Variants in CCSER1 observed in about 807,000 individuals in gnomAD.
CCSER1 encodes coiled-coil serine rich protein 1, also known as serine-rich coiled-coil domain-containing protein 1.
In CCSER1, 41 loss-of-function variants were observed where a neutral mutation model predicts 82.0. That is an observed-to-expected ratio of 0.50 (90% confidence interval 0.39 to 0.65). The LOEUF (loss-of-function observed/expected upper bound fraction) is 0.65. Among genes scored for constraint, CCSER1 ranks in the 30% least tolerant of loss-of-function variants. The pLI is 0.00. For missense variants in CCSER1, 1,119 were observed against 1,064.2 expected (o/e 1.05, Z -0.72); for synonymous variants, 414 against 383.9 (o/e 1.08, Z -0.92).
chr4:90,214,069 A>T (rs1740552732), intron 1 of CCSER1, among the ~76,000 whole-genome samples: 1 of 152,164 alleles, frequency 6.6e-6, no homozygotes, highest in African/African-American at 2.4e-5. Context: ...TAATCTAAAG[A>T]AGATAAAATT....
chr4:91,133,264 T>C (rs932107400), intron 10 of CCSER1, among the ~76,000 whole-genome samples: 2 of 152,188 alleles, frequency 1.3e-5, no homozygotes, highest in Non-Finnish European at 2.9e-5. Context: ...TCTTGTTTTC[T>C]TTCCTTTTTC....
At chr4:90,908,246 G>A (rs1725793502) in intron 8 of CCSER1, among the ~76,000 whole-genome samples, 2 of 152,090 alleles carry the variant, frequency 1.3e-5, no homozygotes, top group Admixed American at 1.3e-4. Context: ...TATCTGTAAG[G>A]CAGTGGCACC....
chr4:90,915,000 C>A (rs552722058), intron 8 of CCSER1, among the ~76,000 whole-genome samples: 84 of 152,148 alleles, frequency 5.5e-4, no homozygotes, highest in African/African-American at 2.0e-3. Flanking sequence ...CAATAACAGG[C>A]TCTGAAATTG....
chr4:90,256,885 T>C (rs1723397146), intron 1 of CCSER1, among the ~76,000 whole-genome samples: 2 of 152,128 alleles, frequency 1.3e-5, no homozygotes, highest in Non-Finnish European at 2.9e-5. Flanking sequence ...ATATAACTTT[T>C]ATTACAGTAT....
At chr4:90,771,481 T>G (rs1294572595) in intron 7 of CCSER1, among the ~76,000 whole-genome samples, 6 of 150,560 alleles carry the variant, frequency 4.0e-5, no homozygotes, top group African/African-American at 1.5e-4. Flanking sequence ...TACATCCCAC[T>G]ATTTCTTTTC....
At chr4:90,930,910 TTA>T (rs70963098) in intron 9 of CCSER1, among the ~76,000 whole-genome samples, 9,840 of 109,520 alleles carry the variant, frequency 0.09, 631 homozygotes, top group African/African-American at 0.18. Flanking sequence ...TATCCTTATT[TTA>T]TATATATATA....
At chr4:91,330,619 T>C (rs1170213449) in intron 10 of CCSER1, among the ~76,000 whole-genome samples, 1 of 152,154 alleles carries the variant, frequency 6.6e-6, no homozygotes, top group African/African-American at 2.4e-5. Flanking sequence ...AAATAAAAAC[T>C]CTTCATTATC....
At chr4:90,918,378 T>C in intron 8 of CCSER1, 4 of 403,174 alleles carry the variant, frequency 9.9e-6, no homozygotes, top group Non-Finnish European at 1.5e-5. Context: ...TTGGGATTAT[T>C]GAGTATTTTT....
chr4:90,612,825 C>T (rs1386156401), intron 5 of CCSER1, among the ~76,000 whole-genome samples: 3 of 152,130 alleles, frequency 2.0e-5, no homozygotes, highest in Admixed American at 2.0e-4. Flanking sequence ...ATACCAGTCT[C>T]TTATCAGACA....
At chr4:91,299,496 T>A (rs1744491165) in intron 10 of CCSER1, among the ~76,000 whole-genome samples, 1 of 151,990 alleles carries the variant, frequency 6.6e-6, no homozygotes, top group African/African-American at 2.4e-5. Flanking sequence ...TACTTACCTA[T>A]GGGATAGTTG....
intron 5 of CCSER1, among the ~76,000 whole-genome samples, chr4:90,494,123 G>T (rs7659404): frequency 0.016 from 2,438 of 152,056 alleles, 38 homozygotes; most frequent in African/African-American, 0.047. Context: ...TCCTAGTCTT[G>T]GATAAAACAG....
At chr4:90,861,157 T>A (rs1765041505) in intron 8 of CCSER1, among the ~76,000 whole-genome samples, 1 of 151,664 alleles carries the variant, frequency 6.6e-6, no homozygotes, top group South Asian at 2.1e-4. Context: ...GAAATTAGTT[T>A]ATGTTGGATT....
At chr4:91,290,608 T>G (rs1327501449) in intron 10 of CCSER1, among the ~76,000 whole-genome samples, 1 of 151,992 alleles carries the variant, frequency 6.6e-6, no homozygotes, top group Non-Finnish European at 1.5e-5. Flanking sequence ...TAGTACTTCT[T>G]TTACTATCCC....
chr4:90,302,332 C>T (rs2153474582), intron 1 of CCSER1, among the ~76,000 whole-genome samples: 1 of 152,146 alleles, frequency 6.6e-6, no homozygotes, highest in East Asian at 1.9e-4. Flanking sequence ...AGTACCAGGT[C>T]CAAAATGAGA....
At chr4:90,572,130 A>C (rs1325427090) in intron 5 of CCSER1, among the ~76,000 whole-genome samples, 1 of 152,180 alleles carries the variant, frequency 6.6e-6, no homozygotes, top group African/African-American at 2.4e-5. Context: ...TTAGTACAGC[A>C]TTCTTGGTAT....
intron 1 of CCSER1, among the ~76,000 whole-genome samples, chr4:90,252,576 T>C (rs1222430076): frequency 6.6e-6 from 1 of 151,842 alleles, no homozygotes; most frequent in African/African-American, 2.4e-5. Context: ...AATAATCACA[T>C]CATGGAAAAT....
intron 1 of CCSER1, among the ~76,000 whole-genome samples, chr4:90,156,304 A>G (rs564293279): frequency 1.3e-4 from 20 of 152,086 alleles, no homozygotes; most frequent in Non-Finnish European, 2.4e-4. Context: ...TATGTGGTCA[A>G]TTTTGGAATA....
At chr4:90,643,943 A>G (rs533922944) in intron 6 of CCSER1, among the ~76,000 whole-genome samples, 3 of 152,214 alleles carry the variant, frequency 2.0e-5, no homozygotes, top group South Asian at 4.1e-4. Flanking sequence ...TTAATTCTAA[A>G]TTTGTTGCCC....
intron 1 of CCSER1, among the ~76,000 whole-genome samples, chr4:90,251,992 T>A (rs1722478802): frequency 6.6e-6 from 1 of 151,954 alleles, no homozygotes; most frequent in Non-Finnish European, 1.5e-5. Context: ...TTCTGCTGGC[T>A]TTTAAGTTTC....
Sources: allele counts gnomAD v4.1 joint callset (sites outside exome capture counted in the v4.1 genomes callset), GRCh38; gene constraint gnomAD v4.1.1; transcripts MANE v1.5; gene names NCBI Gene and HGNC (gene_info 2026-07-23, HGNC 2026-07-21).